ANK2: variants seen among roughly 807,000 people sequenced by gnomAD.
ANK2 encodes the protein ankyrin 2, also known as ankyrin-2.
ANK2 carries 83 observed loss-of-function variants against 360.5 expected under a neutral mutation model. The observed-to-expected ratio is 0.23, with a 90% CI of 0.19 to 0.28. The LOEUF (loss-of-function observed/expected upper bound fraction) is 0.28. Among genes scored for constraint, ANK2 ranks in the 10% least tolerant of loss-of-function variants. The pLI, the probability that ANK2 is intolerant of heterozygous loss-of-function variation, is 1.00. For missense variants in ANK2, 4,201 were observed against 4,795.7 expected, an observed-to-expected ratio of 0.88 and a Z score of 3.66; for synonymous variants, 1,740 against 1,759.5, an observed-to-expected ratio of 0.99 and a Z score of 0.28.
At chr4:113,314,554 A>G (rs1306912512) in intron 24 of ANK2, among the ~76,000 whole-genome samples, 1 of 152,216 alleles carries the variant, frequency 6.6e-6, no homozygotes, top group African/African-American at 2.4e-5. Context: ...TGAATAGCAG[A>G]ACCATTGACT....
intron 1 of ANK2, among the ~76,000 whole-genome samples, chr4:112,818,885 C>T (rs1180668639): frequency 6.6e-6 from 1 of 152,180 alleles, no homozygotes; most frequent in Non-Finnish European, 1.5e-5. Context: ...GGAGTTCTTT[C>T]TCCCTTTCCC....
In ANK2 at chr4:113,350,166, A is replaced by ATTCATAG. The variant is rs1199895814; in HGVS notation, c.4405-62_4405-61insTTCATAG. The ATTCATAG allele has an allele frequency of 4.6e-5, 69 of 1,501,440 alleles. 3 individuals carry two copies. The Middle Eastern group carries it at 5.8e-3, about 126-fold the overall frequency. 93.0% of individuals were successfully genotyped at this position (1,501,440 alleles called of 1,614,324 possible). On this transcript the variant is annotated intron_variant, in intron 36 of 45. Coordinates refer to ENST00000357077, the MANE Select transcript of ANK2 (RefSeq NM_001148.6). Reference sequence around the variant, plus strand: ...TTATGAATAGGAGCTTTTTGTGCACACCAGGGGCTATGAGCCAAGGCAGTA... The same window carrying ATTCATAG: ...TTATGAATAGGAGCTTTTTGTGCACATTCATAGCCAGGGGCTATGAGCCAAGGCAGTA...
intron 1 of ANK2, among the ~76,000 whole-genome samples, chr4:113,171,435 A>G (rs1223377620): frequency 2.0e-5 from 3 of 152,226 alleles, no homozygotes; most frequent in African/African-American, 4.8e-5. Flanking sequence ...CAATATTCAT[A>G]CATAACTTTT....
chr4:113,161,633 C>T (rs1192877203), intron 1 of ANK2, among the ~76,000 whole-genome samples: 1 of 151,674 alleles, frequency 6.6e-6, no homozygotes, highest in Non-Finnish European at 1.5e-5. Flanking sequence ...AAAATGTCAG[C>T]TGCATGATAT....
chr4:112,826,552 C>A lies in ANK2; in HGVS notation c.-40+8288C>A, dbSNP rs28477884. The A allele has an allele frequency of 2.1e-6, 3 of 1,416,450 alleles. No homozygotes were observed. The South Asian group carries it at 3.9e-5, about 18-fold the overall frequency. The allele number at this position is 1,416,450 out of a possible 1,614,324, so 87.7% of individuals were successfully genotyped here. On this transcript the variant is annotated intron_variant, in intron 1 of 30. Coordinates refer to the ANK2 transcript ENST00000503271. ...CCAATGCAAATCAAACTTGCCCAGC[C>A]GGGCCCTGTCCTTTCACAACCAGCT... is the stretch of plus-strand genomic sequence containing the variant.
In ANK2 at chr4:113,097,838, ATATGTGTGTGTGTG is replaced by A. The variant is rs766926723; in HGVS notation, c.84+48028_84+48041del. On this transcript the variant is annotated intron_variant, in intron 1 of 45. Coordinates refer to ENST00000357077, the MANE Select transcript of ANK2 (RefSeq NM_001148.6). ...ATAGATAAATTTTCCTCTTGTATAT[ATATGTGTGTGTGTG>A]TGTGTGTGTGTGTGTATATATATGC... 1.0e-3 allele frequency among the ~76,000 whole-genome samples: 99 copies of A among 95,314 alleles called. 2 individuals carry two copies. Among genetic ancestry groups the A allele is most frequent in the Non-Finnish European group, 1.5e-3 (76 of 50,772 alleles). The allele number at this position is 95,314 out of a possible 152,430, so 62.5% of individuals were successfully genotyped here. A position where few individuals can be genotyped will look rare whatever the true frequency, so the allele number is the denominator to read the frequency against.
chr4:112,984,421 T>C lies in ANK2; in HGVS notation c.21+79907T>C, dbSNP rs149492758. On this transcript the variant is annotated intron_variant, in intron 2 of 30. Coordinates refer to the ANK2 transcript ENST00000503271. ...GGAACAGGCAAAGAGAGAGAGCTTG[T>C]GCAGGAAAACTTCCTGTTGTAATAA... is the stretch of plus-strand genomic sequence containing the variant. 3.3e-3 allele frequency among the ~76,000 whole-genome samples: 500 copies of C among 152,296 alleles called. 2 individuals are homozygous for C. The highest frequency in any genetic ancestry group is 0.011 in the African/African-American group (463 of 41,564).
At chr4:113,134,094 A>G (rs1401185451) in intron 1 of ANK2, among the ~76,000 whole-genome samples, 2 of 152,050 alleles carry the variant, frequency 1.3e-5, no homozygotes, top group Non-Finnish European at 2.9e-5. Context: ...CTATACTACT[A>G]GCACCTCCAA....
At chr4:113,279,766 A>G (rs1367780549) in intron 17 of ANK2, among the ~76,000 whole-genome samples, 1 of 150,644 alleles carries the variant, frequency 6.6e-6, no homozygotes, top group Non-Finnish European at 1.5e-5. Flanking sequence ...ACATATATTT[A>G]TATCTTTTTG....
chr4:113,184,707 T>TTTATTA (rs200189943), intron 2 of ANK2, among the ~76,000 whole-genome samples: 11 of 151,726 alleles, frequency 7.2e-5, no homozygotes, highest in Non-Finnish European at 1.0e-4. Context: ...CATTAATTCT[T>TTTATTA]TTATTATTAT....
At chr4:113,302,893 A>T in intron 23 of ANK2, 54 bp downstream of exon 23, 2 of 1,481,430 alleles carry the variant, frequency 1.4e-6, no homozygotes, top group South Asian at 2.3e-5. Context: ...ACACAAGGGC[A>T]AATTACCCTT....
At chr4:113,202,360 T>TGGGA (rs2098842271) in intron 4 of ANK2, among the ~76,000 whole-genome samples, 1 of 152,146 alleles carries the variant, frequency 6.6e-6, no homozygotes, top group Non-Finnish European at 1.5e-5. Flanking sequence ...AGTGGATGGA[T>TGGGA]GGGAGACTTG....
chr4:112,776,831 T>C, the ANK2 span, among the ~76,000 whole-genome samples: 3 of 152,212 alleles, frequency 2.0e-5, no homozygotes, highest in South Asian at 2.1e-4. Flanking sequence ...GTGAATCCCA[T>C]ATATTTGGTC....
At chr4:113,364,935 T>C in intron 40 of ANK2, 104 bp from the exon 41 acceptor site, 11 of 1,409,524 alleles carry the variant, frequency 7.8e-6, no homozygotes, top group Non-Finnish European at 2.0e-6. Context: ...GCTTTGATTG[T>C]TTTTTTCTGT....
chr4:113,145,927 G>A (rs532838849), intron 1 of ANK2: 2 of 1,289,722 alleles, frequency 1.6e-6, no homozygotes, highest in Non-Finnish European at 2.0e-6. Flanking sequence ...AGAGCACAAG[G>A]AAACATGCAG....
At chr4:113,131,077 A>C (rs1042798515) in intron 1 of ANK2, among the ~76,000 whole-genome samples, 1 of 152,180 alleles carries the variant, frequency 6.6e-6, no homozygotes, top group Non-Finnish European at 1.5e-5. Flanking sequence ...AGTCAAACAA[A>C]TGTTTAAAAA....
At chr4:113,375,919 G>C (rs1180098048) in intron 45 of ANK2, among the ~76,000 whole-genome samples, 1 of 152,114 alleles carries the variant, frequency 6.6e-6, no homozygotes, top group East Asian at 1.9e-4. Context: ...ATGTTTTAGT[G>C]ACATAAAAAT....
At position 113,363,334 on chromosome 4, in the gene ANK2, C is replaced by T. The variant is rs1245896631; in HGVS notation, c.10757-4C>T. 2.5e-6 allele frequency: 4 copies of T among 1,612,472 alleles called. No homozygotes were observed. In the South Asian group the frequency reaches 4.4e-5, roughly 18 times the overall value. On this transcript the variant is annotated splice_region_variant and splice_polypyrimidine_tract_variant and intron_variant, in intron 39 of 45. Coordinates refer to ENST00000357077, the MANE Select transcript of ANK2 (RefSeq NM_001148.6). Reference sequence around the variant, plus strand: ...TGTTTACAAAGTAGTATTTTATCTTCTAGAATTAGCAAGAGAACTGGATTT... The same window carrying T: ...TGTTTACAAAGTAGTATTTTATCTTTTAGAATTAGCAAGAGAACTGGATTT...
At chr4:112,868,150 C>T (rs1352450941) in intron 1 of ANK2, among the ~76,000 whole-genome samples, 1 of 152,148 alleles carries the variant, frequency 6.6e-6, no homozygotes, top group Non-Finnish European at 1.5e-5. Flanking sequence ...TCTTTAATGA[C>T]AAATGATGTT....
Sources: gnomAD v4.1 joint callset for allele counts (sites outside exome capture counted in the v4.1 genomes callset) on GRCh38, gnomAD v4.1.1 for gene constraint, MANE v1.5 for transcripts, NCBI Gene and HGNC (gene_info 2026-07-23, HGNC 2026-07-21) for gene names.